CADM2: variants seen among roughly 807,000 people sequenced by gnomAD.
CADM2 encodes the protein immunoglobulin superfamily member 4D.
CADM2 carries 12 observed loss-of-function variants against 49.8 expected under a neutral mutation model. That is an observed-to-expected ratio of 0.24 (90% confidence interval 0.15 to 0.39). CADM2 has a LOEUF of 0.39. CADM2 is among the 10% of genes least tolerant of loss of function. CADM2 has a pLI of 1.00. For synonymous variants in CADM2, 214 were observed against 175.4 expected (o/e 1.22, Z -1.74); for missense variants, 378 against 492.3 (o/e 0.77, Z 2.20).
At chr3:85,912,618 C>A in intron 6 of CADM2, 75 bp downstream of exon 6, 1 of 1,436,026 alleles carries the variant, frequency 7.0e-7, no homozygotes, top group Non-Finnish European at 9.6e-7. Context: ...CATTTCAAAA[C>A]TACCTGAAGT....
intron 7 of CADM2, among the ~76,000 whole-genome samples, chr3:85,948,791 C>T (rs989333954): frequency 3.3e-5 from 5 of 151,414 alleles, no homozygotes; most frequent in African/African-American, 7.3e-5. Context: ...TGAACATTTA[C>T]GAAAACCTCC....
chr3:84,978,935 A>G (rs991015712), intron 1 of CADM2, among the ~76,000 whole-genome samples: 1 of 152,148 alleles, frequency 6.6e-6, no homozygotes, highest in Non-Finnish European at 1.5e-5. Context: ...AGCATTGTGT[A>G]AATGGAAAGT....
chr3:85,525,695 T>C (rs1360621195), intron 1 of CADM2, among the ~76,000 whole-genome samples: 1 of 152,184 alleles, frequency 6.6e-6, no homozygotes, highest in Non-Finnish European at 1.5e-5. Context: ...CTTATTTTGA[T>C]GTGTCAACTT....
At chr3:85,587,000 T>C (rs886755364) in intron 1 of CADM2, among the ~76,000 whole-genome samples, 2 of 151,950 alleles carry the variant, frequency 1.3e-5, no homozygotes, top group Non-Finnish European at 2.9e-5. Flanking sequence ...AAAGAAGAAA[T>C]AGTAGATGGG....
At chr3:85,961,727 G>T (rs56162756) in intron 8 of CADM2, 80 bp downstream of exon 8, 74,837 of 992,956 alleles carry the variant, frequency 0.075, 3,376 homozygotes, top group Non-Finnish European at 0.084. Flanking sequence ...AATTTTAAGT[G>T]CAGTGAACAA....
chr3:85,499,424 A>G (rs759786200), intron 1 of CADM2, among the ~76,000 whole-genome samples: 1 of 151,994 alleles, frequency 6.6e-6, no homozygotes, highest in Non-Finnish European at 1.5e-5. Context: ...AATTGTCTCA[A>G]TTATAAACTC....
intron 1 of CADM2, among the ~76,000 whole-genome samples, chr3:85,049,694 T>C (rs1444409478): frequency 6.6e-6 from 1 of 152,148 alleles, no homozygotes; most frequent in Non-Finnish European, 1.5e-5. Context: ...TCTGAGAGAA[T>C]TCTTTAAAAT....
intron 8 of CADM2, among the ~76,000 whole-genome samples, chr3:86,032,845 A>G (rs1239653620): frequency 6.6e-6 from 1 of 151,830 alleles, no homozygotes; most frequent in African/African-American, 2.4e-5. Context: ...ATTTTTTTCA[A>G]AATTCCTTTA....
chr3:85,299,643 C>T lies in CADM2; in HGVS notation c.61+339975C>T, dbSNP rs565226359. Among the ~76,000 whole-genome samples, 3 of 152,076 alleles carry T rather than the reference C, an allele frequency of 2.0e-5. No homozygotes were observed. The South Asian group carries it at 6.2e-4, about 32-fold the overall frequency. On this transcript the variant is annotated intron_variant, in intron 1 of 9. Coordinates refer to ENST00000383699, the MANE Select transcript of CADM2 (RefSeq NM_001167675.2). ...TGTTCTGCCTGGCCTCCTTGCAGCC[C>T]ATATTACTTCAGAGGTTGGTCTGGG...
At chr3:85,043,478 G>T (rs2035525838) in intron 1 of CADM2, among the ~76,000 whole-genome samples, 1 of 151,872 alleles carries the variant, frequency 6.6e-6, no homozygotes, top group Non-Finnish European at 1.5e-5. Flanking sequence ...CCAGGAGTTT[G>T]AGACCAACAT....
intron 2 of CADM2, among the ~76,000 whole-genome samples, chr3:85,747,126 A>G (rs1332863108): frequency 1.3e-5 from 2 of 152,028 alleles, no homozygotes; most frequent in Non-Finnish European, 2.9e-5. Flanking sequence ...TACAGATAAC[A>G]TCCTGTACTC....
At chr3:85,587,129 C>T (rs984974876) in intron 1 of CADM2, among the ~76,000 whole-genome samples, 14 of 152,040 alleles carry the variant, frequency 9.2e-5, no homozygotes, top group African/African-American at 3.4e-4. Context: ...CCTACTTCAT[C>T]AGGAATCTGT....
At chr3:85,870,033 T>C (rs1252549749) in intron 3 of CADM2, among the ~76,000 whole-genome samples, 1 of 152,194 alleles carries the variant, frequency 6.6e-6, no homozygotes, top group Non-Finnish European at 1.5e-5. Flanking sequence ...TCCCAATGTG[T>C]ATGGCAGGAG....
At chr3:85,457,895 A>G (rs1199781829) in intron 1 of CADM2, among the ~76,000 whole-genome samples, 1 of 152,180 alleles carries the variant, frequency 6.6e-6, no homozygotes, top group Non-Finnish European at 1.5e-5. Context: ...TGGCATTTGA[A>G]ATCCCCCAAA....
At chr3:85,563,414 G>C (rs1250639570) in intron 1 of CADM2, among the ~76,000 whole-genome samples, 2 of 149,878 alleles carry the variant, frequency 1.3e-5, no homozygotes, top group Non-Finnish European at 3.0e-5. Context: ...GTGTGTGTGG[G>C]GGGGTGGTAA....
intron 1 of CADM2, among the ~76,000 whole-genome samples, chr3:85,402,264 T>G (rs981993702): frequency 1.3e-4 from 20 of 152,066 alleles, no homozygotes; most frequent in African/African-American, 4.6e-4. Flanking sequence ...ATTTATACTC[T>G]ACATTAGAAA....
At chr3:85,591,633 C>T (rs1439485962) in intron 1 of CADM2, among the ~76,000 whole-genome samples, 3 of 151,890 alleles carry the variant, frequency 2.0e-5, no homozygotes, top group Non-Finnish European at 2.9e-5. Flanking sequence ...ATCACTCCTT[C>T]GTGTTTAATA....
Position 85,134,093 on chromosome 3 carries a change from C to T in CADM2, c.61+174425C>T, listed in dbSNP as rs569577175. On this transcript the variant is annotated intron_variant, in intron 1 of 9. Coordinates refer to ENST00000383699, the MANE Select transcript of CADM2 (RefSeq NM_001167675.2). ...GGGGACCCAGTACACCCTCCGCAGC[C>T]GCTGGCCCAGGTGCTAAGCCCCTCA... Among the ~76,000 whole-genome samples the T allele has an allele frequency of 8.8e-4, 134 of 152,340 alleles. 1 individual carries two copies. In the Middle Eastern group the frequency reaches 0.021, roughly 23 times the overall value.
intron 1 of CADM2, among the ~76,000 whole-genome samples, chr3:85,096,264 A>T (rs1380338698): frequency 6.6e-6 from 1 of 152,140 alleles, no homozygotes; most frequent in Non-Finnish European, 1.5e-5. Flanking sequence ...TTGAAAAGGA[A>T]TTTTATACAC....
Sources: allele counts gnomAD v4.1 joint callset (sites outside exome capture counted in the v4.1 genomes callset), GRCh38; gene constraint gnomAD v4.1.1; transcripts MANE v1.5; gene names NCBI Gene and HGNC (gene_info 2026-07-23, HGNC 2026-07-21).